The following KSR2 variants were observed in gnomAD, a reference collection of about 807,000 sequenced individuals.
KSR2 encodes kinase suppressor of ras 2.
In KSR2, 25 loss-of-function variants were observed where a neutral mutation model predicts 107.8. The observed-to-expected ratio is 0.23, with a 90% CI of 0.17 to 0.32. The LOEUF (loss-of-function observed/expected upper bound fraction) is 0.32. Among genes scored for constraint, KSR2 ranks in the 10% least tolerant of loss-of-function variants. The pLI is 1.00. For missense variants in KSR2, 887 were observed against 1,268.9 expected (o/e 0.70, Z 4.57); for synonymous variants, 480 against 507.0 (o/e 0.95, Z 0.71).
intron 14 of KSR2, among the ~76,000 whole-genome samples, chr12:117,493,772 C>T (rs567294685): frequency 3.9e-5 from 6 of 152,218 alleles, no homozygotes; most frequent in Admixed American, 3.3e-4. Flanking sequence ...GTGGGAGGGG[C>T]CCAGGGGGAG....
intron 1 of KSR2, among the ~76,000 whole-genome samples, chr12:117,923,288 C>T (rs1300220385): frequency 1.3e-5 from 2 of 152,114 alleles, no homozygotes; most frequent in African/African-American, 4.8e-5. Flanking sequence ...ATAAAATGAT[C>T]GGTTGGTAAA....
chr12:117,754,474 C>G (rs1042680753), intron 4 of KSR2, among the ~76,000 whole-genome samples: 1 of 151,880 alleles, frequency 6.6e-6, no homozygotes, highest in Non-Finnish European at 1.5e-5. Context: ...CCCGTCTCTA[C>G]TAAAAATACA....
intron 8 of KSR2, among the ~76,000 whole-genome samples, chr12:117,556,154 T>G (rs973239914): frequency 1.3e-5 from 2 of 148,510 alleles, no homozygotes; most frequent in Non-Finnish European, 3.0e-5. Flanking sequence ...TCTGCAAAGT[T>G]CAGTTCGCTC....
chr12:117,633,923 T>C (rs1001293221), intron 5 of KSR2, among the ~76,000 whole-genome samples: 4 of 152,114 alleles, frequency 2.6e-5, no homozygotes, highest in African/African-American at 2.4e-5. Context: ...GGGAAGTATG[T>C]TTTTCTAACT....
intron 14 of KSR2, among the ~76,000 whole-genome samples, chr12:117,523,963 ACT>A (rs1030002194): frequency 2.6e-5 from 4 of 152,008 alleles, no homozygotes; most frequent in African/African-American, 9.7e-5. Context: ...GAAGAGTGAA[ACT>A]CTGTCTCAAA....
intron 10 of KSR2, among the ~76,000 whole-genome samples, chr12:117,537,581 G>A (rs1876141651): frequency 6.6e-6 from 1 of 152,188 alleles, no homozygotes; most frequent in Non-Finnish European, 1.5e-5. Context: ...CCAGAGAGGC[G>A]AGTTATTTGT....
In KSR2 at chr12:117,893,907, C is replaced by CTTT. The variant is rs56095185; in HGVS notation, c.181-33479_181-33477dup. Among the ~76,000 whole-genome samples, 625 of 129,292 alleles carry CTTT rather than the reference C, an allele frequency of 4.8e-3. 6 individuals are homozygous for CTTT. Among genetic ancestry groups the CTTT allele is most frequent in the African/African-American group, 0.01 (340 of 33,618 alleles). The allele number at this position is 129,292 out of a possible 152,430, so 84.8% of individuals were successfully genotyped here. A position where few individuals can be genotyped will look rare whatever the true frequency, so the allele number is the denominator to read the frequency against. On this transcript the variant is annotated intron_variant, in intron 1 of 19. Transcript: ENST00000339824. ...AGAAAAATCCACAAAGAACAAAATT[C>CTTT]TTTTTTTTTTTTTTTTTTTTGAGAC...
intron 3 of KSR2, among the ~76,000 whole-genome samples, chr12:117,805,959 G>A (rs1358076351): frequency 6.6e-6 from 1 of 152,102 alleles, no homozygotes; most frequent in African/African-American, 2.4e-5. Context: ...TCCAGCCTAG[G>A]TGACAGAGGA....
chr12:117,670,845 T>G (rs1306467658), intron 4 of KSR2, among the ~76,000 whole-genome samples: 1 of 152,094 alleles, frequency 6.6e-6, no homozygotes, highest in African/African-American at 2.4e-5. Flanking sequence ...ACAGAGTGTT[T>G]CTATCGTTTC....
intron 3 of KSR2, among the ~76,000 whole-genome samples, chr12:117,775,307 T>G (rs1459204065): frequency 3.9e-5 from 6 of 152,248 alleles, no homozygotes; most frequent in Admixed American, 3.9e-4. Flanking sequence ...CCCCACATCC[T>G]CACCAACACT....
chr12:117,954,265 C>T (rs1166618629), intron 1 of KSR2, among the ~76,000 whole-genome samples: 1 of 152,176 alleles, frequency 6.6e-6, no homozygotes, highest in Non-Finnish European at 1.5e-5. Flanking sequence ...ACAGGATATG[C>T]TTTTCAGATG....
At chr12:117,495,162 C>T (rs934179485) in intron 14 of KSR2, among the ~76,000 whole-genome samples, 2 of 152,218 alleles carry the variant, frequency 1.3e-5, no homozygotes, top group African/African-American at 4.8e-5. Flanking sequence ...CCCTCTGCTG[C>T]TCACTCCCTT....
intron 3 of KSR2, among the ~76,000 whole-genome samples, chr12:117,775,518 T>C (rs934125127): frequency 9.9e-5 from 15 of 152,224 alleles, no homozygotes; most frequent in Non-Finnish European, 1.6e-4. Context: ...AAATTACAGC[T>C]CTGGAAAAGT....
chr12:117,793,371 GCA>G lies in KSR2; in HGVS notation c.473-31849_473-31848del, dbSNP rs372123415. On this transcript the variant is annotated intron_variant, in intron 3 of 19. Transcript: ENST00000339824. ...CATGCACACACCCTCACACCAACAT[GCA>G]CACACACCACTGTGCACCCATACCA... is the stretch of plus-strand genomic sequence containing the variant. Among the ~76,000 whole-genome samples the G allele has an allele frequency of 7.6e-3, 966 of 127,418 alleles. 8 individuals are homozygous for G. Among genetic ancestry groups the G allele is most frequent in the African/African-American group, 0.011 (366 of 32,630 alleles). 83.6% of individuals were successfully genotyped at this position (127,418 alleles called of 152,430 possible).
rs1870479656 is a variant in KSR2, at chr12:117,454,169, A to G, written c.*13030T>C. On this transcript the variant is annotated 3_prime_UTR_variant, in exon 20 of 20. Coordinates refer to ENST00000339824, the MANE Select transcript of KSR2 (RefSeq NM_173598.6). ...ATGAAGCACCTACTGTGTGCCAGGT[A>G]TTGCGTAACGTTATTGACATTCATT... The G allele has an allele frequency of 6.6e-6, 1 of 152,214 alleles. No individual in the cohort carries two copies. The highest frequency in any genetic ancestry group is 1.5e-5 in the Non-Finnish European group (1 of 68,040). The allele number at this position is 152,214 out of a possible 1,614,324, so 9.4% of individuals were successfully genotyped here.
At chr12:117,738,802 G>A (rs1888048332) in intron 4 of KSR2, among the ~76,000 whole-genome samples, 1 of 152,178 alleles carries the variant, frequency 6.6e-6, no homozygotes, top group Admixed American at 6.5e-5. Flanking sequence ...TTGAACCCAG[G>A]AGGCAGAGTT....
chr12:117,635,280 C>T (rs544725552), intron 5 of KSR2, among the ~76,000 whole-genome samples: 8 of 152,086 alleles, frequency 5.3e-5, no homozygotes, highest in African/African-American at 1.7e-4. Flanking sequence ...AAAGAAACAC[C>T]CTATATTTTA....
chr12:117,580,319 T>C (rs1879564691), intron 6 of KSR2, among the ~76,000 whole-genome samples: 1 of 152,236 alleles, frequency 6.6e-6, no homozygotes, highest in East Asian at 1.9e-4. Context: ...GTCAAGCCCC[T>C]TTCTTTCCCT....
intron 4 of KSR2, among the ~76,000 whole-genome samples, chr12:117,699,178 C>G (rs539207696): frequency 1.3e-5 from 2 of 152,332 alleles, no homozygotes; most frequent in Admixed American, 1.3e-4. Flanking sequence ...ATCTGTTCTG[C>G]TTTAAGCCTA....
Sources: allele counts gnomAD v4.1 joint callset (sites outside exome capture counted in the v4.1 genomes callset), GRCh38; gene constraint gnomAD v4.1.1; transcripts MANE v1.5; gene names NCBI Gene and HGNC (gene_info 2026-07-23, HGNC 2026-07-21).